CLIC4: variants seen among roughly 807,000 people sequenced by gnomAD.
CLIC4 encodes the protein CLIC family member 4.
Under a neutral mutation model 24.6 loss-of-function variants are expected in CLIC4, and 13 were observed. That is an observed-to-expected ratio of 0.53 (90% CI 0.34 to 0.84). CLIC4 has a LOEUF of 0.84. CLIC4 is among the 40% of genes least tolerant of loss of function. The pLI is 0.01. For synonymous variants in CLIC4, 104 were observed against 111.3 expected (o/e 0.93, Z 0.41); for missense variants, 227 against 301.7 (o/e 0.75, Z 1.83).
intron 1 of CLIC4, among the ~76,000 whole-genome samples, chr1:24,790,371 C>T (rs896957560): frequency 6.6e-6 from 1 of 152,120 alleles, no homozygotes; most frequent in Admixed American, 6.6e-5. Context: ...CATGCCTAGC[C>T]CCACTTTTTA....
At chr1:24,798,727 C>T (rs1238775380) in intron 2 of CLIC4, among the ~76,000 whole-genome samples, 1 of 152,248 alleles carries the variant, frequency 6.6e-6, no homozygotes, top group Non-Finnish European at 1.5e-5. Flanking sequence ...ACTGTACTGC[C>T]GCCATCTCGG....
intron 4 of CLIC4, among the ~76,000 whole-genome samples, chr1:24,835,813 A>G (rs560838522): frequency 3.9e-5 from 6 of 152,332 alleles, no homozygotes; most frequent in South Asian, 2.1e-4. Flanking sequence ...GAGAGAAGAA[A>G]AGAACACAGA....
chr1:24,821,788 TACCCA>T (rs1165577795), intron 3 of CLIC4, among the ~76,000 whole-genome samples: 1 of 152,156 alleles, frequency 6.6e-6, no homozygotes, highest in Non-Finnish European at 1.5e-5. Context: ...CTCGCCGTGT[TACCCA>T]AGCTGTGGCC....
Position 24,784,860 on chromosome 1 carries a change from C to T in CLIC4, c.73-12882C>T, listed in dbSNP as rs538621222. Among the ~76,000 whole-genome samples the T allele has an allele frequency of 9.7e-4, 148 of 151,968 alleles. 3 individuals are homozygous for T. In the South Asian group the frequency reaches 0.017, roughly 17 times the overall value. ...CTCTATTAAAAATACAAAAAGTAGC[C>T]GGGCATGGTGGCGTGCATCTGTAGT... On this transcript the variant is annotated intron_variant, in intron 1 of 5. Coordinates refer to ENST00000374379, the MANE Select transcript of CLIC4 (RefSeq NM_013943.3).
At chr1:24,836,249 T>C (rs1410855056) in intron 4 of CLIC4, among the ~76,000 whole-genome samples, 1 of 152,152 alleles carries the variant, frequency 6.6e-6, no homozygotes, top group African/African-American at 2.4e-5. Flanking sequence ...AAGAGACAGA[T>C]CAATCCACAG....
chr1:24,830,420 A>G (rs545874257), intron 4 of CLIC4, among the ~76,000 whole-genome samples: 5 of 150,472 alleles, frequency 3.3e-5, no homozygotes, highest in Non-Finnish European at 5.9e-5. Context: ...TCATTTAACC[A>G]TTTCCATGTT....
intron 4 of CLIC4, among the ~76,000 whole-genome samples, chr1:24,838,640 A>C (rs1639909306): frequency 6.6e-6 from 1 of 152,168 alleles, no homozygotes; most frequent in Non-Finnish European, 1.5e-5. Context: ...GCCAGTTACC[A>C]CAATCATCTG....
chr1:24,755,756 A>G (rs1451638730), intron 1 of CLIC4, among the ~76,000 whole-genome samples: 3 of 152,102 alleles, frequency 2.0e-5, no homozygotes, highest in African/African-American at 2.4e-5. Context: ...TGAAAGTGAC[A>G]ACTTAGTGCA....
At chr1:24,747,899 G>C (rs1012001491) in intron 1 of CLIC4, among the ~76,000 whole-genome samples, 5 of 151,462 alleles carry the variant, frequency 3.3e-5, no homozygotes, top group Non-Finnish European at 7.4e-5. Context: ...GCCAGGCATG[G>C]TGGTGGGCCC....
At chr1:24,769,351 G>A (rs1639045515) in intron 1 of CLIC4, among the ~76,000 whole-genome samples, 2 of 152,186 alleles carry the variant, frequency 1.3e-5, no homozygotes, top group Admixed American at 6.5e-5. Flanking sequence ...CTATGGGCCA[G>A]GCACAGTGTG....
chr1:24,830,575 C>A (rs764458331), intron 4 of CLIC4, among the ~76,000 whole-genome samples: 3 of 151,968 alleles, frequency 2.0e-5, no homozygotes, highest in Non-Finnish European at 2.9e-5. Context: ...AATTGTTCTC[C>A]AAAAGTCTAT....
chr1:24,805,877 C>G (rs764547658), intron 2 of CLIC4, among the ~76,000 whole-genome samples: 4 of 152,098 alleles, frequency 2.6e-5, no homozygotes, highest in Non-Finnish European at 5.9e-5. Context: ...TCATTCGTTT[C>G]TTTTCCTTTT....
At chr1:24,769,782 T>C (rs890830227) in intron 1 of CLIC4, among the ~76,000 whole-genome samples, 8 of 152,204 alleles carry the variant, frequency 5.3e-5, no homozygotes, top group Non-Finnish European at 1.0e-4. Context: ...TCGTTGCATT[T>C]TGGGGGCCTG....
chr1:24,775,224 C>CTTTCTTTTTTTTTTTTT (rs1639119913), intron 1 of CLIC4, among the ~76,000 whole-genome samples: 1 of 90,660 alleles, frequency 1.1e-5, no homozygotes, highest in Non-Finnish European at 2.1e-5. Flanking sequence ...TTCTTTCTTT[C>CTTTCTTTTTTTTTTTTT]TTTTTTTTTT....
At position 24,814,143 on chromosome 1, in the gene CLIC4, A is replaced by G. The variant is rs201465229; in HGVS notation, c.232A>G (p.Ile78Val). The change falls in exon 3 of 6, where the codon ATA (isoleucine) becomes GTA (valine). Residue 78 changes from isoleucine (I) to valine (V), a missense_variant. Transcript: ENST00000374379. ...GGCTCCCGGGACCCACCCACCATTTATAACTTTCAACAGTGAAGTCAAAAC... is the reference window on the plus strand; with the variant it reads ...GGCTCCCGGGACCCACCCACCATTTGTAACTTTCAACAGTGAAGTCAAAAC... ...NLAPGTHPPF[I>V]TFNSEVKTDV... 9 of 1,614,124 alleles carry G rather than the reference A, an allele frequency of 5.6e-6. No homozygotes were observed. The East Asian group carries it at 2.0e-4, about 36-fold the overall frequency.
chr1:24,769,031 G>A (rs925952443), intron 1 of CLIC4, among the ~76,000 whole-genome samples: 5 of 152,028 alleles, frequency 3.3e-5, no homozygotes, highest in Non-Finnish European at 4.4e-5. Context: ...TGTGGTCTCA[G>A]CTACTAGTGG....
Position 24,827,055 on chromosome 1 carries a change from A to G in CLIC4, c.354A>G (p.Gly118=). 1 of 1,611,976 alleles carries G rather than the reference A, an allele frequency of 6.2e-7. No homozygotes were observed. The highest frequency in any genetic ancestry group is 1.1e-5 in the South Asian group (1 of 90,654). ...AACACCCAGAATCAAATACTGCTGG[A>G]ATGGACATCTTTGCCAAATTCTCTG... ...SPKHPESNTA[G]MDIFAKFSAY... Residue 118 remains glycine, a synonymous_variant, in exon 4 of 6, where the codon GGA becomes GGG. Transcript: ENST00000374379.
In CLIC4 at chr1:24,842,667, T is replaced by C. The variant is rs1327165442; in HGVS notation, c.*1730T>C. ...TTGCCTTACCTTTCTTAGAACTCTTTATTGCTTATCAAAAGTTTGAGTACC... is the reference window on the plus strand; with the variant it reads ...TTGCCTTACCTTTCTTAGAACTCTTCATTGCTTATCAAAAGTTTGAGTACC... On this transcript the variant is annotated 3_prime_UTR_variant, in exon 6 of 6. Transcript: ENST00000374379. 6.6e-6 allele frequency: 1 copy of C among 152,228 alleles called. No homozygotes were observed. The highest frequency in any genetic ancestry group is 1.5e-5 in the Non-Finnish European group (1 of 68,032). 9.4% of individuals were successfully genotyped at this position (152,228 alleles called of 1,614,324 possible). A position where few individuals can be genotyped will look rare whatever the true frequency, so the allele number is the denominator to read the frequency against.
At chr1:24,800,709 T>C (rs951548989) in intron 2 of CLIC4, among the ~76,000 whole-genome samples, 4 of 152,208 alleles carry the variant, frequency 2.6e-5, no homozygotes, top group African/African-American at 9.6e-5. Flanking sequence ...CTTTTCATTT[T>C]GTTCTGCACT....
Sources: allele counts gnomAD v4.1 joint callset (sites outside exome capture counted in the v4.1 genomes callset), GRCh38; gene constraint gnomAD v4.1.1; transcripts MANE v1.5; gene names NCBI Gene and HGNC (gene_info 2026-07-23, HGNC 2026-07-21).